The following REV3L variants were observed in gnomAD, a reference collection of about 807,000 sequenced individuals.
The protein encoded by REV3L is REV3 like, DNA directed polymerase zeta catalytic subunit, also known as DNA polymerase zeta catalytic subunit.
A neutral mutation model predicts 299.4 loss-of-function variants in REV3L; 69 were observed. The ratio of observed to expected loss-of-function variants is 0.23; its 90% CI spans 0.19 to 0.28. The LOEUF (loss-of-function observed/expected upper bound fraction) is 0.28, where lower values mean the gene tolerates loss of function less well. Among genes scored for constraint, REV3L ranks in the 10% least tolerant of loss-of-function variants. REV3L has a pLI of 1.00. For missense variants in REV3L, 3,128 were observed against 3,693.8 expected (o/e 0.85, Z 3.97); for synonymous variants, 1,238 against 1,271.4 (o/e 0.97, Z 0.56).
intron 1 of REV3L, among the ~76,000 whole-genome samples, chr6:111,450,496 A>AAAC (rs1322260180): frequency 2.0e-5 from 3 of 150,654 alleles, no homozygotes; most frequent in Non-Finnish European, 4.4e-5. Flanking sequence ...AAAAAAAAAA[A>AAAC]AAAAAAAAAA....
chr6:111,483,239 G>A (rs935544764), upstream of REV3L: 8 of 483,082 alleles, frequency 1.7e-5, no homozygotes, highest in South Asian at 2.8e-4. Context: ...ACTGGGGGGA[G>A]GGGAGAGGGG....
At chr6:111,372,516 CTT>C in intron 13 of REV3L, 78 bp downstream of exon 13, 1 of 1,106,146 alleles carries the variant, frequency 9.0e-7, no homozygotes, top group Non-Finnish European at 1.2e-6. Flanking sequence ...TGCATACATT[CTT>C]TTTTTTTCAA....
chr6:111,325,898 T>TAA (rs1298429402), intron 25 of REV3L, among the ~76,000 whole-genome samples: 1 of 152,212 alleles, frequency 6.6e-6, no homozygotes, highest in African/African-American at 2.4e-5. Flanking sequence ...TTGTACTCAT[T>TAA]AATCATTTCT....
chr6:111,461,757 C>G (rs1231803152), intron 1 of REV3L, among the ~76,000 whole-genome samples: 1 of 151,786 alleles, frequency 6.6e-6, no homozygotes, highest in Non-Finnish European at 1.5e-5. Context: ...CTAGGGCAAC[C>G]ACTAAACAAA....
At chr6:111,359,289 T>C (rs1029792724) in intron 16 of REV3L, among the ~76,000 whole-genome samples, 1 of 152,102 alleles carries the variant, frequency 6.6e-6, no homozygotes, top group African/African-American at 2.4e-5. Context: ...TCTCAATGCC[T>C]GTTTGAGAAA....
chr6:111,470,094 AG>A (rs1487864427), intron 1 of REV3L, among the ~76,000 whole-genome samples: 1 of 152,144 alleles, frequency 6.6e-6, no homozygotes, highest in African/African-American at 2.4e-5. Flanking sequence ...CAGTCCAAAT[AG>A]GAGCATGAAT....
At chr6:111,379,748 A>G (rs1780641491) in intron 11 of REV3L, among the ~76,000 whole-genome samples, 1 of 152,238 alleles carries the variant, frequency 6.6e-6, no homozygotes, top group African/African-American at 2.4e-5. Context: ...TACTGTGTAT[A>G]TAAATGGATA....
At chr6:111,307,706 A>G (rs1488159067) in intron 30 of REV3L, 136 bp from the exon 31 acceptor site, 15 of 759,890 alleles carry the variant, frequency 2.0e-5, no homozygotes, top group Non-Finnish European at 2.8e-5. Context: ...AGTAGCTACT[A>G]TGTGCCAGGC....
chr6:111,411,597 A>G, intron 2 of REV3L, 43 bp from the exon 3 acceptor site: 1 of 1,282,196 alleles, frequency 7.8e-7, no homozygotes, highest in Non-Finnish European at 1.1e-6. Flanking sequence ...TTCATAATTC[A>G]GAGATGAAAT....
chr6:111,439,804 T>C (rs1788030353), intron 1 of REV3L, among the ~76,000 whole-genome samples: 1 of 152,124 alleles, frequency 6.6e-6, no homozygotes, highest in African/African-American at 2.4e-5. Flanking sequence ...ATCTGAAAAG[T>C]ATGCTCGGCA....
chr6:111,322,745 A>G (rs1774324587), intron 25 of REV3L, 67 bp from the exon 26 acceptor site: 1 of 1,052,136 alleles, frequency 9.5e-7, no homozygotes, highest in South Asian at 1.5e-5. Flanking sequence ...AGACTTTAAC[A>G]TATAATACAT....
chr6:111,323,190 A>C (rs904929731), intron 25 of REV3L, among the ~76,000 whole-genome samples: 1 of 152,114 alleles, frequency 6.6e-6, no homozygotes, highest in East Asian at 1.9e-4. Context: ...GGGTTTCACC[A>C]TATTGGCCAG....
chr6:111,360,807 C>A (rs1778577125), intron 16 of REV3L: 1 of 151,752 alleles, frequency 6.6e-6, no homozygotes, highest in African/African-American at 2.4e-5. Context: ...TAAAGAACAT[C>A]AATTATGCAT....
intron 25 of REV3L, among the ~76,000 whole-genome samples, chr6:111,328,799 T>C (rs1367103823): frequency 6.6e-6 from 1 of 152,190 alleles, no homozygotes; most frequent in Non-Finnish European, 1.5e-5. Context: ...AGGGTCTCGT[T>C]CTGTTACCCA....
At chr6:111,446,871 T>C (rs1788926020) in intron 1 of REV3L, among the ~76,000 whole-genome samples, 1 of 152,158 alleles carries the variant, frequency 6.6e-6, no homozygotes, top group Non-Finnish European at 1.5e-5. Context: ...TAGGCATATA[T>C]TAAAAATGAA....
chr6:111,349,367 C>T, intron 19 of REV3L, 31 bp from the exon 20 acceptor site: 1 of 1,090,350 alleles, frequency 9.2e-7, no homozygotes, highest in Non-Finnish European at 1.4e-6. Context: ...TGTATCAGGG[C>T]TCACAGAAAA....
intron 23 of REV3L, 27 bp from the exon 24 acceptor site, chr6:111,331,811 AT>A (rs1263536114): frequency 7.4e-7 from 1 of 1,355,712 alleles, no homozygotes; most frequent in African/African-American, 1.4e-5. Context: ...CATTAAGCAA[AT>A]ACTTCCTCAA....
At chr6:111,406,638 G>C (rs1176110951) in intron 3 of REV3L, among the ~76,000 whole-genome samples, 1 of 152,166 alleles carries the variant, frequency 6.6e-6, no homozygotes, top group Non-Finnish European at 1.5e-5. Context: ...AGGGGCTGAG[G>C]GTGATGCCTA....
In REV3L at chr6:111,366,792, A is replaced by G. The variant is rs577009206; in HGVS notation, c.6673+323T>C. Among the ~76,000 whole-genome samples the G allele has an allele frequency of 2.0e-5, 3 of 152,252 alleles. No homozygotes were observed. In the South Asian group the frequency reaches 6.2e-4, roughly 32 times the overall value. ...AGAGTAGAAGCTGGCTGGAGACGTGAGGTCAAGGCAGGTTTTTTGTTTCTG... is the reference window on the plus strand; with the variant it reads ...AGAGTAGAAGCTGGCTGGAGACGTGGGGTCAAGGCAGGTTTTTTGTTTCTG... On this transcript the variant is annotated intron_variant, in intron 14 of 31. Coordinates refer to ENST00000368802, the MANE Select transcript of REV3L (RefSeq NM_001372078.1).
Sources: allele counts gnomAD v4.1 joint callset (sites outside exome capture counted in the v4.1 genomes callset), GRCh38; gene constraint gnomAD v4.1.1; transcripts MANE v1.5; gene names NCBI Gene and HGNC (gene_info 2026-07-23, HGNC 2026-07-21).